Variants in PRDM6 observed in about 807,000 individuals in gnomAD.
PRDM6 encodes the protein putative histone-lysine N-methyltransferase PRDM6.
PRDM6 carries 25 observed loss-of-function variants against 60.8 expected under a neutral mutation model. The observed-to-expected ratio is 0.41, with a 90% CI of 0.30 to 0.57. The LOEUF (loss-of-function observed/expected upper bound fraction) is 0.57, where lower values mean the gene tolerates loss of function less well. PRDM6 is among the 20% of genes least tolerant of loss of function. The pLI is 0.27. For synonymous variants in PRDM6, 407 were observed against 357.4 expected (o/e 1.14, Z -1.57); for missense variants, 839 against 821.3 (o/e 1.02, Z -0.26).
chr5:123,132,492 T>C (rs1279818433), intron 3 of PRDM6, among the ~76,000 whole-genome samples: 1 of 152,164 alleles, frequency 6.6e-6, no homozygotes, highest in Non-Finnish European at 1.5e-5. Flanking sequence ...CTAATGGGTT[T>C]CCTTGTTTAG....
Position 123,170,796 on chromosome 5 carries a change from T to C in PRDM6, c.1184T>C (p.Met395Thr), listed in dbSNP as rs982317028. ...LNVPSTVMEA[M>T]CRQDALQPFN... ...GTCCCTTCAACGGTAATGGAAGCCATGTGCAGACAAGACGCCCTGCAGCCC... is the reference window on the plus strand; with the variant it reads ...GTCCCTTCAACGGTAATGGAAGCCACGTGCAGACAAGACGCCCTGCAGCCC... The change falls in exon 6 of 8, where the codon ATG (methionine) becomes ACG (threonine). Residue 395 changes from methionine (M) to threonine (T), a missense_variant. Transcript: ENST00000407847. 2.6e-6 allele frequency: 4 copies of C among 1,551,570 alleles called. No individual in the cohort carries two copies. In the Admixed American group the frequency reaches 5.9e-5, roughly 23 times the overall value.
chr5:123,114,429 C>T (rs1001560714), intron 3 of PRDM6, among the ~76,000 whole-genome samples: 1 of 152,218 alleles, frequency 6.6e-6, no homozygotes, highest in Admixed American at 6.5e-5. Flanking sequence ...TCCTTCCAGG[C>T]TAATCCCAGG....
At chr5:123,101,643 A>G (rs1023904523) in intron 3 of PRDM6, among the ~76,000 whole-genome samples, 2 of 152,232 alleles carry the variant, frequency 1.3e-5, no homozygotes, top group Admixed American at 6.5e-5. Context: ...GAACACTATT[A>G]TATTGCCCTT....
chr5:123,166,101 C>T (rs1164301966), intron 5 of PRDM6, among the ~76,000 whole-genome samples: 12 of 152,196 alleles, frequency 7.9e-5, no homozygotes, highest in Non-Finnish European at 2.9e-5. Context: ...CAGATATTTC[C>T]GTGGCCTGTC....
At chr5:123,172,353 A>G (rs1418142143) in intron 6 of PRDM6, among the ~76,000 whole-genome samples, 1 of 152,232 alleles carries the variant, frequency 6.6e-6, no homozygotes, top group Non-Finnish European at 1.5e-5. Context: ...GCTGTAGCTA[A>G]TTAATGTTGA....
At position 123,180,208 on chromosome 5, in the gene PRDM6, G is replaced by A. The variant is rs1348257038; in HGVS notation, c.1558G>A (p.Val520Met). Reference sequence around the variant, plus strand: ...CCAGCCTTCAGAACTGAGGAACCACGTGGTCACTCACTCTAGTGACCGGCC... The same window carrying A: ...CCAGCCTTCAGAACTGAGGAACCACATGGTCACTCACTCTAGTGACCGGCC... ...FSQPSELRNH[V>M]VTHSSDRPFK... Residue 520 changes from valine (V) to methionine (M), a missense_variant, in exon 7 of 8, where the codon GTG becomes ATG. Coordinates refer to ENST00000407847, the MANE Select transcript of PRDM6 (RefSeq NM_001136239.4). 25 of 1,551,972 alleles carry A rather than the reference G, an allele frequency of 1.6e-5. No individual in the cohort carries two copies. The highest frequency in any genetic ancestry group is 5.9e-5 in the South Asian group (5 of 84,060).
chr5:123,111,414 G>A (rs1289809074), intron 3 of PRDM6, among the ~76,000 whole-genome samples: 1 of 152,146 alleles, frequency 6.6e-6, no homozygotes, highest in East Asian at 1.9e-4. Flanking sequence ...GAAACAAAAC[G>A]CCGGCAGGGC....
At chr5:123,134,686 A>G (rs1207029081) in intron 3 of PRDM6, among the ~76,000 whole-genome samples, 1 of 152,188 alleles carries the variant, frequency 6.6e-6, no homozygotes, top group Non-Finnish European at 1.5e-5. Context: ...CTGTAAACAG[A>G]CATAAAAATT....
chr5:123,114,432 A>G (rs1206839285), intron 3 of PRDM6, among the ~76,000 whole-genome samples: 3 of 152,168 alleles, frequency 2.0e-5, no homozygotes, highest in Non-Finnish European at 2.9e-5. Flanking sequence ...TTCCAGGCTA[A>G]TCCCAGGTCT....
At chr5:123,176,582 G>A (rs760482721) in intron 6 of PRDM6, among the ~76,000 whole-genome samples, 60 of 152,036 alleles carry the variant, frequency 3.9e-4, no homozygotes, top group African/African-American at 5.6e-4. Flanking sequence ...ATGGTGGCAC[G>A]TGCCTGTAGT....
At chr5:123,166,533 A>G (rs1169805244) in intron 5 of PRDM6, among the ~76,000 whole-genome samples, 5 of 152,232 alleles carry the variant, frequency 3.3e-5, no homozygotes, top group Admixed American at 1.3e-4. Flanking sequence ...GGTGAAATTA[A>G]TGGAATGTTA....
At chr5:123,091,841 G>C (rs892116438) in intron 2 of PRDM6, among the ~76,000 whole-genome samples, 2 of 152,112 alleles carry the variant, frequency 1.3e-5, no homozygotes, top group Admixed American at 1.3e-4. Context: ...GTTGCTTCTT[G>C]CAAAATGTCT....
chr5:123,111,662 C>T (rs953166448), intron 3 of PRDM6, among the ~76,000 whole-genome samples: 6 of 151,074 alleles, frequency 4.0e-5, no homozygotes, highest in African/African-American at 9.8e-5. Flanking sequence ...TGCACCGCTG[C>T]GTTCCAGCAG....
rs758010129 is a variant in PRDM6 at position 123,187,064 on chromosome 5, A to G, written c.1674-23A>G. The G allele has an allele frequency of 1.7e-5, 26 of 1,541,284 alleles. No homozygotes were observed. The South Asian group carries it at 2.4e-4, about 14-fold the overall frequency. On this transcript the variant is annotated intron_variant, in intron 7 of 7. Transcript: ENST00000407847. ...CTGCAGGCCCCGCTCCCTGGTCTCA[A>G]TTTTCTCTCTTGCCTCCACCAGGTG...
At chr5:123,142,452 G>A (rs1259853241) in intron 3 of PRDM6, among the ~76,000 whole-genome samples, 2 of 152,180 alleles carry the variant, frequency 1.3e-5, no homozygotes, top group Non-Finnish European at 2.9e-5. Flanking sequence ...GTAAGCCAGA[G>A]GAAGATTAAC....
intron 3 of PRDM6, among the ~76,000 whole-genome samples, chr5:123,138,474 C>T (rs924991338): frequency 7.9e-5 from 12 of 152,196 alleles, no homozygotes; most frequent in African/African-American, 2.9e-4. Context: ...TCAGTGTGTA[C>T]ACAAAGGTAA....
chr5:123,096,511 A>G lies in PRDM6; in HGVS notation c.593-3143A>G, dbSNP rs114010473. On this transcript the variant is annotated intron_variant, in intron 2 of 7. Transcript: ENST00000407847. ...ATGTTTCAGCTGGGGGATTTTGTGT[A>G]TTAAAAAATAACATTGGAATATAAC... 5.7e-3 allele frequency among the ~76,000 whole-genome samples: 872 copies of G among 152,328 alleles called. 10 individuals carry two copies. The highest frequency in any genetic ancestry group is 0.02 in the African/African-American group (839 of 41,566).
chr5:123,142,803 G>A (rs1174304415), intron 3 of PRDM6, among the ~76,000 whole-genome samples: 1 of 144,600 alleles, frequency 6.9e-6, no homozygotes, highest in African/African-American at 2.5e-5. Flanking sequence ...TGAAAATGTG[G>A]TCAGGGATTT....
intron 2 of PRDM6, among the ~76,000 whole-genome samples, chr5:123,093,816 G>A (rs1028164487): frequency 6.6e-6 from 1 of 152,156 alleles, no homozygotes; most frequent in African/African-American, 2.4e-5. Context: ...TTTCTGAGTA[G>A]CATCCCGGCT....
Sources: allele counts gnomAD v4.1 joint callset (sites outside exome capture counted in the v4.1 genomes callset), GRCh38; gene constraint gnomAD v4.1.1; transcripts MANE v1.5; gene names NCBI Gene and HGNC (gene_info 2026-07-23, HGNC 2026-07-21).